Variants in USH2A observed in about 807,000 individuals in gnomAD.
The protein encoded by USH2A is Usher syndrome 2A (autosomal recessive, mild).
USH2A carries 443 observed loss-of-function variants against 538.9 expected under a neutral mutation model. That is an observed-to-expected ratio of 0.82 (90% CI 0.76 to 0.89). The LOEUF (loss-of-function observed/expected upper bound fraction) is 0.89, where lower values mean the gene tolerates loss of function less well. Ranked by LOEUF, USH2A falls within the 40% of genes least tolerant of loss-of-function variation. The pLI, the probability that USH2A is intolerant of heterozygous loss-of-function variation, is 0.00. For synonymous variants in USH2A, 2,413 were observed against 2,273.5 expected (o/e 1.06, Z -1.75); for missense variants, 6,633 against 6,324.8 (o/e 1.05, Z -1.65).
At chr1:216,360,729 A>C (rs1182796295) in intron 4 of USH2A, among the ~76,000 whole-genome samples, 4 of 152,024 alleles carry the variant, frequency 2.6e-5, no homozygotes, top group African/African-American at 9.7e-5. Flanking sequence ...AAGAAGGAAA[A>C]CCAATGAATA....
chr1:215,786,903 G>C, intron 51 of USH2A, 29 bp from the exon 52 acceptor site: 1 of 1,609,704 alleles, frequency 6.2e-7, no homozygotes, highest in Non-Finnish European at 8.5e-7. Flanking sequence ...GTGAGAGAGA[G>C]AGGGGTATTT....
At chr1:215,950,833 G>C in intron 37 of USH2A, among the ~76,000 whole-genome samples, 1 of 152,168 alleles carries the variant, frequency 6.6e-6, no homozygotes, top group East Asian at 1.9e-4. Context: ...TAACAAAACT[G>C]TCTCTGAAGA....
chr1:215,912,455 A>ATATATATATATATATATACG (rs1665813224), intron 38 of USH2A, among the ~76,000 whole-genome samples: 1 of 124,338 alleles, frequency 8.0e-6, no homozygotes, highest in Admixed American at 7.8e-5. Flanking sequence ...AGGTATGTGT[A>ATATATATATATATATATACG]TATATATATA....
intron 21 of USH2A, among the ~76,000 whole-genome samples, chr1:216,166,354 T>C (rs1211833977): frequency 6.6e-6 from 1 of 151,930 alleles, no homozygotes; most frequent in Admixed American, 6.6e-5. Flanking sequence ...AGCTAGAGAG[T>C]ATACCAGTCC....
chr1:216,404,029 C>T (rs1221853513), intron 3 of USH2A, among the ~76,000 whole-genome samples: 4 of 152,256 alleles, frequency 2.6e-5, no homozygotes, highest in African/African-American at 9.6e-5. Context: ...CCATGTGAAA[C>T]CAAGTCAATT....
chr1:215,877,262 T>G (rs981109303), intron 43 of USH2A, among the ~76,000 whole-genome samples: 8 of 152,198 alleles, frequency 5.3e-5, no homozygotes, highest in Non-Finnish European at 1.2e-4. Flanking sequence ...CTATTAGCCT[T>G]TACTGAATGT....
At chr1:215,669,908 T>G (rs1027635601) in intron 64 of USH2A, among the ~76,000 whole-genome samples, 1 of 152,212 alleles carries the variant, frequency 6.6e-6, no homozygotes, top group Non-Finnish European at 1.5e-5. Flanking sequence ...TAGTATTTCA[T>G]GTTATAATAA....
chr1:216,347,888 T>C (rs2038210029), intron 4 of USH2A, among the ~76,000 whole-genome samples: 1 of 152,134 alleles, frequency 6.6e-6, no homozygotes, highest in Admixed American at 6.6e-5. Flanking sequence ...ATTGTGACAT[T>C]AGAAGAGAGG....
chr1:216,051,488 C>T (rs2030782929), intron 30 of USH2A, among the ~76,000 whole-genome samples: 1 of 152,144 alleles, frequency 6.6e-6, no homozygotes. Context: ...TGGAAACTAC[C>T]GTAAGATTCT....
chr1:215,863,772 C>T lies in USH2A; in HGVS notation c.8845+3235G>A, dbSNP rs192858973. On this transcript the variant is annotated intron_variant, in intron 44 of 71. Coordinates refer to ENST00000307340, the MANE Select transcript of USH2A (RefSeq NM_206933.4). ...AGAGGATCACTTGAGCCCATTAATT[C>T]GAGACTAACCTAAGCATAGGGAGAA... is the stretch of plus-strand genomic sequence containing the variant. Among the ~76,000 whole-genome samples, 243 of 151,776 alleles carry T rather than the reference C, an allele frequency of 1.6e-3. 1 individual carries two copies. Among genetic ancestry groups the T allele is most frequent in the African/African-American group, 5.5e-3 (229 of 41,374 alleles).
At position 215,655,702 on chromosome 1, in the gene USH2A, C is replaced by T. The variant is rs1226526044; in HGVS notation, c.14134-4901G>A. On this transcript the variant is annotated intron_variant, in intron 64 of 71. Transcript: ENST00000307340. ...TCCAAGAATGGTGACCCTTTGGATGCTTCTGTTACTGTGCTAGTTATTCTT... is the reference window on the plus strand; with the variant it reads ...TCCAAGAATGGTGACCCTTTGGATGTTTCTGTTACTGTGCTAGTTATTCTT... Among the ~76,000 whole-genome samples, 40 of 141,452 alleles carry T rather than the reference C, an allele frequency of 2.8e-4. No homozygotes were observed. The Admixed American group carries it at 2.9e-3, about 10-fold the overall frequency. The allele number at this position is 141,452 out of a possible 152,430, so 92.8% of individuals were successfully genotyped here. A position where few individuals can be genotyped will look rare whatever the true frequency, so the allele number is the denominator to read the frequency against.
chr1:216,294,559 G>C (rs2037067879), intron 9 of USH2A, among the ~76,000 whole-genome samples: 1 of 151,050 alleles, frequency 6.6e-6, no homozygotes, highest in Non-Finnish European at 1.5e-5. Flanking sequence ...TTGGGGATCG[G>C]GAGTGGATAT....
intron 26 of USH2A, among the ~76,000 whole-genome samples, chr1:216,080,499 C>T (rs2031906710): frequency 6.6e-6 from 1 of 151,876 alleles, no homozygotes; most frequent in Non-Finnish European, 1.5e-5. Context: ...GGGGCAGGAA[C>T]CTAATGTACA....
intron 61 of USH2A, among the ~76,000 whole-genome samples, chr1:215,681,023 C>T (rs114745239): frequency 0.01 from 1,556 of 151,956 alleles, 27 homozygotes; most frequent in African/African-American, 0.035. Flanking sequence ...TTAAAAGCAC[C>T]ATAAGTAAAA....
At chr1:216,210,162 C>CT (rs545657467) in intron 15 of USH2A, among the ~76,000 whole-genome samples, 1,876 of 148,236 alleles carry the variant, frequency 0.013, 23 homozygotes, top group Middle Eastern at 0.094. Flanking sequence ...AATCATACTC[C>CT]TTTTTTTTTT....
At chr1:216,351,497 C>A (rs909244607) in intron 4 of USH2A, among the ~76,000 whole-genome samples, 1 of 152,072 alleles carries the variant, frequency 6.6e-6, no homozygotes, top group Non-Finnish European at 1.5e-5. Context: ...ACAAGGAGAA[C>A]AAAATAAACA....
chr1:216,200,993 C>A (rs1159662988), intron 16 of USH2A, among the ~76,000 whole-genome samples: 13 of 92,090 alleles, frequency 1.4e-4, no homozygotes, highest in Non-Finnish European at 2.4e-4. Context: ...CCCTCCCTCC[C>A]TCCCTCCCTC....
intron 19 of USH2A, among the ~76,000 whole-genome samples, chr1:216,191,918 G>C (rs1022613438): frequency 2.0e-5 from 3 of 151,956 alleles, no homozygotes; most frequent in Admixed American, 6.6e-5. Flanking sequence ...TTTTGAAAAG[G>C]CTTTTCCTTC....
intron 3 of USH2A, among the ~76,000 whole-genome samples, chr1:216,369,255 T>C (rs1233537438): frequency 2.0e-5 from 3 of 152,214 alleles, no homozygotes; most frequent in East Asian, 3.9e-4. Context: ...CTGAAAACTC[T>C]ATAAGTTTAT....
Sources: allele counts gnomAD v4.1 joint callset (sites outside exome capture counted in the v4.1 genomes callset), GRCh38; gene constraint gnomAD v4.1.1; transcripts MANE v1.5; gene names NCBI Gene and HGNC (gene_info 2026-07-23, HGNC 2026-07-21).